Variants in MIPOL1 observed in about 807,000 individuals in gnomAD.
MIPOL1 encodes the protein mirror-image polydactyly gene 1 protein.
Under a neutral mutation model 60.9 loss-of-function variants are expected in MIPOL1, and 57 were observed. That is an observed-to-expected ratio of 0.94 (90% CI 0.76 to 1.17). MIPOL1 has a LOEUF of 1.17. Ranked by LOEUF, MIPOL1 falls within the 50% of genes most tolerant of loss-of-function variation. The pLI, the probability that MIPOL1 is intolerant of heterozygous loss-of-function variation, is 0.00. For missense variants in MIPOL1, 551 were observed against 511.6 expected (o/e 1.08, Z -0.74); for synonymous variants, 179 against 168.8 (o/e 1.06, Z -0.47).
chr14:37,333,039 C>A (rs1276270635), intron 9 of MIPOL1, among the ~76,000 whole-genome samples: 2 of 152,134 alleles, frequency 1.3e-5, no homozygotes, highest in Non-Finnish European at 2.9e-5. Flanking sequence ...TACAGTATTG[C>A]TACAGATAAT....
At chr14:37,358,103 C>G (rs1319548311) in intron 9 of MIPOL1, among the ~76,000 whole-genome samples, 1 of 151,910 alleles carries the variant, frequency 6.6e-6, no homozygotes, top group African/African-American at 2.4e-5. Flanking sequence ...GGTTTCCTGT[C>G]CTTCTGAAAA....
chr14:37,297,715 A>G (rs1202793588), intron 7 of MIPOL1, among the ~76,000 whole-genome samples: 30 of 152,132 alleles, frequency 2.0e-4, no homozygotes, highest in Admixed American at 2.0e-3. Flanking sequence ...ATTGCTTCAA[A>G]GAGAATAAAA....
chr14:37,240,492 G>A (rs1477394682), intron 1 of MIPOL1: 1 of 152,148 alleles, frequency 6.6e-6, no homozygotes, highest in Non-Finnish European at 1.5e-5. Flanking sequence ...GTATGAAGGA[G>A]TGTATCAGTG....
intron 1 of MIPOL1, among the ~76,000 whole-genome samples, chr14:37,226,677 G>A (rs1427202738): frequency 1.3e-5 from 2 of 152,156 alleles, no homozygotes; most frequent in African/African-American, 2.4e-5. Context: ...GTGCATGCAT[G>A]CCTTTAGTCC....
At chr14:37,343,452 A>G (rs2090723805) in intron 9 of MIPOL1, among the ~76,000 whole-genome samples, 1 of 152,210 alleles carries the variant, frequency 6.6e-6, no homozygotes, top group South Asian at 2.1e-4. Context: ...TTCAGTGTAC[A>G]TAATTCACAT....
At chr14:37,402,723 A>G (rs897118247) in intron 10 of MIPOL1, among the ~76,000 whole-genome samples, 2 of 152,248 alleles carry the variant, frequency 1.3e-5, no homozygotes, top group African/African-American at 4.8e-5. Flanking sequence ...AATTGTGTGT[A>G]GCAATCAGAT....
chr14:37,221,481 A>G (rs964981987), intron 1 of MIPOL1, among the ~76,000 whole-genome samples: 11 of 152,134 alleles, frequency 7.2e-5, no homozygotes, highest in African/African-American at 1.9e-4. Flanking sequence ...CTGAGACTGG[A>G]TAATTTATGA....
At chr14:37,434,520 T>C (rs1018764209) in intron 11 of MIPOL1, 4 of 152,154 alleles carry the variant, frequency 2.6e-5, no homozygotes, top group East Asian at 3.9e-4. Flanking sequence ...ATAGGAGCCA[T>C]GCTAATCTTC....
chr14:37,464,081 T>C (rs2094570690), intron 11 of MIPOL1, among the ~76,000 whole-genome samples: 1 of 152,186 alleles, frequency 6.6e-6, no homozygotes, highest in Non-Finnish European at 1.5e-5. Flanking sequence ...CCAGTCAGAA[T>C]TGCTATTATA....
intron 9 of MIPOL1, among the ~76,000 whole-genome samples, chr14:37,318,384 T>G (rs771877157): frequency 6.6e-6 from 1 of 152,202 alleles, no homozygotes; most frequent in African/African-American, 2.4e-5. Flanking sequence ...TTTAGAGTTA[T>G]GTTTTTCAGG....
chr14:37,285,161 A>G (rs1288117854), intron 6 of MIPOL1, among the ~76,000 whole-genome samples, 157 bp from the exon 7 acceptor site: 1 of 152,200 alleles, frequency 6.6e-6, no homozygotes, highest in African/African-American at 2.4e-5. Context: ...AGTACCTATT[A>G]TTAAAAATAA....
chr14:37,414,530 C>T (rs898535671), intron 10 of MIPOL1, among the ~76,000 whole-genome samples: 1 of 152,114 alleles, frequency 6.6e-6, no homozygotes, highest in Non-Finnish European at 1.5e-5. Flanking sequence ...TTCAAATATT[C>T]CATCTTACTG....
chr14:37,487,960 G>C (rs1196179060), intron 11 of MIPOL1, among the ~76,000 whole-genome samples: 1 of 152,104 alleles, frequency 6.6e-6, no homozygotes, highest in Non-Finnish European at 1.5e-5. Context: ...GCTTTCTCTT[G>C]TGGGCATTTA....
chr14:37,248,041 A>C (rs1260687124), intron 3 of MIPOL1, 134 bp downstream of exon 3: 22 of 721,190 alleles, frequency 3.1e-5, no homozygotes, highest in Non-Finnish European at 4.3e-5. Context: ...CAAAACATGC[A>C]CACAGAGACC....
chr14:37,434,001 A>G (rs1356450240), intron 11 of MIPOL1, among the ~76,000 whole-genome samples: 1 of 152,184 alleles, frequency 6.6e-6, no homozygotes, highest in East Asian at 1.9e-4. Flanking sequence ...ATACGTGTGC[A>G]TGTGTCTTTA....
chr14:37,468,992 T>C (rs2094639506), intron 11 of MIPOL1, among the ~76,000 whole-genome samples: 1 of 152,162 alleles, frequency 6.6e-6, no homozygotes. Flanking sequence ...TTAAGAAATT[T>C]GGACTTTATC....
At chr14:37,430,185 C>T (rs936108138) in intron 11 of MIPOL1, among the ~76,000 whole-genome samples, 1 of 152,130 alleles carries the variant, frequency 6.6e-6, no homozygotes, top group African/African-American at 2.4e-5. Flanking sequence ...AATTACACTT[C>T]CATCTTTGGC....
intron 7 of MIPOL1, among the ~76,000 whole-genome samples, chr14:37,290,998 A>T (rs1485461435): frequency 2.6e-5 from 4 of 152,186 alleles, no homozygotes; most frequent in African/African-American, 9.7e-5. Flanking sequence ...TTTGCTAAGG[A>T]TAATGGCCTC....
rs1178969607 is a variant in MIPOL1, at chr14:37,550,944, G to A, written c.*3973G>A. ...CTTTTCTTTTTTATTATATATTTTA[G>A]TGTAAGTTAAGTTAAACTTCTAAAA... On this transcript the variant is annotated 3_prime_UTR_variant, in exon 13 of 13. Transcript: ENST00000684589. The A allele has an allele frequency of 6.6e-6, 1 of 152,008 alleles. No homozygotes were observed. Among genetic ancestry groups the A allele is most frequent in the Non-Finnish European group, 1.5e-5 (1 of 67,966 alleles). 9.4% of individuals were successfully genotyped at this position (152,008 alleles called of 1,614,324 possible).
Sources: gnomAD v4.1 joint callset for allele counts (sites outside exome capture counted in the v4.1 genomes callset) on GRCh38, gnomAD v4.1.1 for gene constraint, MANE v1.5 for transcripts, NCBI Gene and HGNC (gene_info 2026-07-23, HGNC 2026-07-21) for gene names.